IQCM: variants seen among roughly 807,000 people sequenced by gnomAD.
The protein encoded by IQCM is IQ domain-containing protein M.
In IQCM, 45 loss-of-function variants were observed where a neutral mutation model predicts 57.6. The observed-to-expected ratio is 0.78, with a 90% CI of 0.62 to 1.00. IQCM has a LOEUF of 1.00. Among genes scored for constraint, IQCM ranks in the 50% least tolerant of loss-of-function variants. IQCM has a pLI of 0.00. For synonymous variants in IQCM, 148 were observed against 158.9 expected, an observed-to-expected ratio of 0.93 and a Z score of 0.51; for missense variants, 468 against 511.6, an observed-to-expected ratio of 0.91 and a Z score of 0.82.
At chr4:149,365,309 T>A (rs1729755313) in intron 13 of IQCM, among the ~76,000 whole-genome samples, 1 of 151,786 alleles carries the variant, frequency 6.6e-6, no homozygotes, top group East Asian at 1.9e-4. Flanking sequence ...CTGGAAAAAA[T>A]TGAGCAACAA....
chr4:149,577,601 G>C (rs1009556532), intron 9 of IQCM, among the ~76,000 whole-genome samples: 1 of 151,828 alleles, frequency 6.6e-6, no homozygotes, highest in African/African-American at 2.4e-5. Flanking sequence ...GTCTGTTTTT[G>C]TACCAGTATT....
chr4:149,405,785 T>C (rs956917198), intron 13 of IQCM, among the ~76,000 whole-genome samples: 5 of 149,088 alleles, frequency 3.4e-5, no homozygotes, highest in African/African-American at 1.2e-4. Flanking sequence ...ATCATCCATG[T>C]CAGTATTTTT....
At chr4:149,812,218 A>G (rs972287374) in intron 2 of IQCM, among the ~76,000 whole-genome samples, 1 of 152,188 alleles carries the variant, frequency 6.6e-6, no homozygotes, top group Admixed American at 6.5e-5. Flanking sequence ...TTGGAGCCAT[A>G]TTCCTAAGAG....
intron 12 of IQCM, among the ~76,000 whole-genome samples, chr4:149,537,566 G>A (rs1747425772): frequency 6.6e-6 from 1 of 151,854 alleles, no homozygotes; most frequent in Admixed American, 6.6e-5. Flanking sequence ...GCTGAAAATT[G>A]CCAAATTTGA....
intron 7 of IQCM, among the ~76,000 whole-genome samples, chr4:149,649,637 A>C (rs1359017461): frequency 6.6e-6 from 1 of 152,208 alleles, no homozygotes; most frequent in African/African-American, 2.4e-5. Flanking sequence ...AAATTGTCAA[A>C]TTACAAAAGC....
At chr4:149,714,313 T>G (rs891956860) in intron 5 of IQCM, among the ~76,000 whole-genome samples, 2 of 152,160 alleles carry the variant, frequency 1.3e-5, no homozygotes, top group Admixed American at 1.3e-4. Context: ...CCCTAAAATC[T>G]AAATACTCCA....
chr4:149,747,265 A>C (rs1768013872), intron 2 of IQCM, among the ~76,000 whole-genome samples: 1 of 152,210 alleles, frequency 6.6e-6, no homozygotes, highest in Admixed American at 6.5e-5. Flanking sequence ...TAAAATGTGC[A>C]AAGGTATACA....
chr4:149,523,115 A>G (rs1290952850), intron 12 of IQCM, among the ~76,000 whole-genome samples: 1 of 152,090 alleles, frequency 6.6e-6, no homozygotes, highest in Non-Finnish European at 1.5e-5. Flanking sequence ...ACTGCCTTAT[A>G]CTCGTATCCT....
At chr4:149,369,458 T>C (rs770675613) in intron 13 of IQCM, among the ~76,000 whole-genome samples, 1 of 152,072 alleles carries the variant, frequency 6.6e-6, no homozygotes, top group Admixed American at 6.6e-5. Flanking sequence ...CTAAAAAAAA[T>C]GTGTACAAAT....
intron 7 of IQCM, among the ~76,000 whole-genome samples, chr4:149,627,531 C>T (rs1234521899): frequency 6.6e-6 from 1 of 152,156 alleles, no homozygotes; most frequent in African/African-American, 2.4e-5. Flanking sequence ...ACCTATGCTG[C>T]AGAATAACCC....
intron 9 of IQCM, among the ~76,000 whole-genome samples, chr4:149,584,013 A>C (rs1437870370): frequency 6.6e-6 from 1 of 151,596 alleles, no homozygotes; most frequent in Non-Finnish European, 1.5e-5. Flanking sequence ...TGTATACACT[A>C]TCATTCATGT....
chr4:149,804,076 A>G (rs912292561), intron 2 of IQCM, among the ~76,000 whole-genome samples: 4 of 151,890 alleles, frequency 2.6e-5, no homozygotes, highest in African/African-American at 9.7e-5. Flanking sequence ...GCTGGAGTTG[A>G]GTATTTCCCT....
intron 12 of IQCM, among the ~76,000 whole-genome samples, chr4:149,497,835 T>C (rs1164096296): frequency 6.6e-6 from 1 of 152,034 alleles, no homozygotes; most frequent in Non-Finnish European, 1.5e-5. Context: ...TGTACTCTGA[T>C]ATAAAATTTT....
intron 8 of IQCM, among the ~76,000 whole-genome samples, chr4:149,618,365 A>C (rs1167596048): frequency 6.6e-6 from 1 of 152,204 alleles, no homozygotes; most frequent in Non-Finnish European, 1.5e-5. Flanking sequence ...GATGGATTAA[A>C]GACTTAAATG....
At chr4:149,479,611 G>A (rs1740561725) in intron 12 of IQCM, among the ~76,000 whole-genome samples, 1 of 152,212 alleles carries the variant, frequency 6.6e-6, no homozygotes, top group African/African-American at 2.4e-5. Context: ...AATTCAAGGA[G>A]TTCCTCCTTC....
At chr4:149,734,129 CAG>C (rs1766714320) in intron 4 of IQCM, among the ~76,000 whole-genome samples, 1 of 152,078 alleles carries the variant, frequency 6.6e-6, no homozygotes, top group Non-Finnish European at 1.5e-5. Flanking sequence ...GTTCTACACA[CAG>C]AGAGAGCTAT....
At chr4:149,605,468 T>C (rs577847050) in intron 8 of IQCM, among the ~76,000 whole-genome samples, 4 of 152,296 alleles carry the variant, frequency 2.6e-5, no homozygotes, top group African/African-American at 7.2e-5. Flanking sequence ...CAAAACTCTA[T>C]GAGAATAGTT....
chr4:149,379,095 G>C (rs1730896195), intron 13 of IQCM, among the ~76,000 whole-genome samples: 1 of 152,204 alleles, frequency 6.6e-6, no homozygotes, highest in African/African-American at 2.4e-5. Flanking sequence ...GTCAAGAATT[G>C]AGGTTTGGGA....
intron 13 of IQCM, among the ~76,000 whole-genome samples, chr4:149,431,564 T>C (rs1251074370): frequency 6.6e-6 from 1 of 152,030 alleles, no homozygotes; most frequent in Non-Finnish European, 1.5e-5. Flanking sequence ...TTTATAATTA[T>C]GTCATCGCTA....
Sources: allele counts gnomAD v4.1 joint callset (sites outside exome capture counted in the v4.1 genomes callset), GRCh38; gene constraint gnomAD v4.1.1; transcripts MANE v1.5; gene names NCBI Gene and HGNC (gene_info 2026-07-23, HGNC 2026-07-21).